SMG6: variants seen among roughly 807,000 people sequenced by gnomAD.
SMG6 encodes the protein telomerase-binding protein EST1A.
In SMG6, 66 loss-of-function variants were observed where a neutral mutation model predicts 142.2. The ratio of observed to expected loss-of-function variants is 0.46; its 90% CI spans 0.38 to 0.57. The LOEUF is 0.57. SMG6 is among the 20% of genes least tolerant of loss of function. The pLI is 0.00. For synonymous variants in SMG6, 779 were observed against 702.4 expected, an observed-to-expected ratio of 1.11 and a Z score of -1.72; for missense variants, 1,793 against 1,832.0, an observed-to-expected ratio of 0.98 and a Z score of 0.39.
intron 1 of SMG6, among the ~76,000 whole-genome samples, chr17:2,302,757 A>G (rs148096504): frequency 7.0e-4 from 106 of 152,244 alleles, no homozygotes; most frequent in African/African-American, 2.4e-3. Context: ...ATCCACAAAG[A>G]TAAAGCAGTT....
chr17:2,300,674 C>A lies in SMG6; in HGVS notation c.89-10G>T. 5 of 1,552,214 alleles carry A rather than the reference C, an allele frequency of 3.2e-6. No homozygotes were observed. The highest frequency in any genetic ancestry group is 3.5e-6 in the Non-Finnish European group (4 of 1,153,306). On this transcript the variant is annotated splice_polypyrimidine_tract_variant and intron_variant, in intron 1 of 18. Coordinates refer to ENST00000263073, the MANE Select transcript of SMG6 (RefSeq NM_017575.5). ...AATTCCTTCATGTTTTCTGTTATGT[C>A]GGGGAAAGAGTTTGGGAGGGAAAGG...
intron 13 of SMG6, among the ~76,000 whole-genome samples, chr17:2,161,604 T>C (rs1328496486): frequency 2.0e-5 from 3 of 152,156 alleles, no homozygotes; most frequent in Admixed American, 1.3e-4. Flanking sequence ...TCCTCAGACA[T>C]TGCACTGCCA....
chr17:2,208,629 T>TG (rs1432581589), intron 10 of SMG6, among the ~76,000 whole-genome samples: 4 of 152,360 alleles, frequency 2.6e-5, no homozygotes, highest in African/African-American at 7.2e-5. Flanking sequence ...GGATCTGTGC[T>TG]GGGCACTTAG....
chr17:2,088,547 G>C lies in SMG6; in HGVS notation c.3358-2646C>G, dbSNP rs182409574. The stretch of plus-strand genomic sequence containing the variant: ...TGCTGGCTGATATGCAAAAGGCTGT[G>C]ATCTACTGGGGTCTCTGACCTGGTG... On this transcript the variant is annotated intron_variant, in intron 13 of 18. Transcript: ENST00000263073. 9 of 985,464 alleles carry C rather than the reference G, an allele frequency of 9.1e-6. No individual in the cohort carries two copies. The Admixed American group carries it at 4.9e-4, about 54-fold the overall frequency. The allele number at this position is 985,464 out of a possible 1,614,324, so 61.0% of individuals were successfully genotyped here. A position where few individuals can be genotyped will look rare whatever the true frequency, so the allele number is the denominator to read the frequency against.
chr17:2,078,761 T>C (rs954712599), intron 15 of SMG6, among the ~76,000 whole-genome samples: 1 of 151,890 alleles, frequency 6.6e-6, no homozygotes, highest in African/African-American at 2.4e-5. Context: ...AGAATGGTGG[T>C]GAGGAAGCCC....
chr17:2,241,769 G>C (rs538044015), intron 9 of SMG6, among the ~76,000 whole-genome samples: 5 of 152,314 alleles, frequency 3.3e-5, no homozygotes, highest in Non-Finnish European at 7.3e-5. Flanking sequence ...AAGAATTTTA[G>C]AAGTGGAGGG....
chr17:2,280,387 C>T (rs970162718), intron 8 of SMG6, among the ~76,000 whole-genome samples: 1 of 152,256 alleles, frequency 6.6e-6, no homozygotes, highest in East Asian at 1.9e-4. Flanking sequence ...CTCAGCCTCC[C>T]GAGTAGCTGG....
At chr17:2,238,409 T>A (rs1385920446) in intron 9 of SMG6, among the ~76,000 whole-genome samples, 1 of 151,884 alleles carries the variant, frequency 6.6e-6, no homozygotes, top group Non-Finnish European at 1.5e-5. Flanking sequence ...TTGGAAGATG[T>A]GGAATGGCAG....
intron 6 of SMG6, among the ~76,000 whole-genome samples, chr17:2,285,074 T>G (rs986204867): frequency 1.3e-5 from 2 of 152,230 alleles, no homozygotes; most frequent in African/African-American, 4.8e-5. Context: ...AAGATAATGG[T>G]GCATCTAACA....
At chr17:2,097,343 C>A (rs1449303496) in intron 13 of SMG6, among the ~76,000 whole-genome samples, 1 of 152,054 alleles carries the variant, frequency 6.6e-6, no homozygotes, top group Non-Finnish European at 1.5e-5. Context: ...ACCATGTTGG[C>A]ATGGCTGGTC....
chr17:2,161,455 G>A (rs968075757), intron 13 of SMG6, among the ~76,000 whole-genome samples: 9 of 148,264 alleles, frequency 6.1e-5, no homozygotes, highest in Non-Finnish European at 8.9e-5. Context: ...ACTGTCACCC[G>A]GGCTGGAGTG....
intron 8 of SMG6, among the ~76,000 whole-genome samples, chr17:2,271,149 C>T (rs2074535627): frequency 6.7e-6 from 1 of 148,900 alleles, no homozygotes; most frequent in South Asian, 2.1e-4. Context: ...CAGTCTCACT[C>T]CACAACCCAG....
chr17:2,215,340 AT>A (rs1308552504), intron 10 of SMG6: 1 of 152,196 alleles, frequency 6.6e-6, no homozygotes, highest in African/African-American at 2.4e-5. Flanking sequence ...TGGCAGAACT[AT>A]TCTCTCTCTG....
At chr17:2,100,781 A>G (rs144340716) in intron 13 of SMG6, among the ~76,000 whole-genome samples, 16 of 152,184 alleles carry the variant, frequency 1.1e-4, no homozygotes, top group Non-Finnish European at 2.1e-4. Context: ...TCCCAGGCTC[A>G]AGAGATCCCC....
chr17:2,194,616 G>A (rs2072261849), intron 10 of SMG6, among the ~76,000 whole-genome samples: 3 of 151,986 alleles, frequency 2.0e-5, no homozygotes, highest in Non-Finnish European at 4.4e-5. Flanking sequence ...GGGATGCTGA[G>A]GCAGGAGGAC....
chr17:2,280,551 C>A (rs892772040), intron 8 of SMG6: 31 of 980,488 alleles, frequency 3.2e-5, no homozygotes, highest in Middle Eastern at 5.2e-4. Context: ...GCGTAAGCCA[C>A]CGCGTCAGGC....
chr17:2,088,159 C>CAGG, intron 13 of SMG6: 1 of 985,420 alleles, frequency 1.0e-6, no homozygotes, highest in Non-Finnish European at 1.2e-6. Flanking sequence ...AGGAGTGTGC[C>CAGG]ACGGACACAT....
At chr17:2,260,290 A>G (rs1257950282) in intron 8 of SMG6, among the ~76,000 whole-genome samples, 2 of 152,236 alleles carry the variant, frequency 1.3e-5, no homozygotes, top group Admixed American at 6.5e-5. Context: ...TGAACCAAGC[A>G]TGTCCAGGAG....
chr17:2,281,501 G>C (rs1277677466), intron 8 of SMG6, among the ~76,000 whole-genome samples: 2 of 152,066 alleles, frequency 1.3e-5, no homozygotes, highest in African/African-American at 2.4e-5. Flanking sequence ...AATATGACTT[G>C]TGTCTGTTCA....
Sources: gnomAD v4.1 joint callset for allele counts (sites outside exome capture counted in the v4.1 genomes callset) on GRCh38, gnomAD v4.1.1 for gene constraint, MANE v1.5 for transcripts, NCBI Gene and HGNC (gene_info 2026-07-23, HGNC 2026-07-21) for gene names.